Variants in LAMB1 observed in about 807,000 individuals in gnomAD.
LAMB1 encodes laminin subunit beta 1, also known as laminin subunit beta-1.
LAMB1 carries 121 observed loss-of-function variants against 222.3 expected under a neutral mutation model. The ratio of observed to expected loss-of-function variants is 0.54; its 90% confidence interval spans 0.47 to 0.63. The LOEUF is 0.63. LAMB1 is among the 30% of genes least tolerant of loss of function. LAMB1 has a pLI of 0.00. For missense variants in LAMB1, 2,172 were observed against 2,240.8 expected (o/e 0.97, Z 0.62); for synonymous variants, 794 against 807.2 (o/e 0.98, Z 0.28).
intron 16 of LAMB1, 104 bp downstream of exon 16, chr7:107,961,445 C>G: frequency 6.4e-7 from 1 of 1,571,432 alleles, no homozygotes; most frequent in East Asian, 2.3e-5. Flanking sequence ...AGTCAGCAGT[C>G]AACGTCTGGC....
At chr7:107,981,033 C>T (rs368498192) in intron 7 of LAMB1, among the ~76,000 whole-genome samples, 24 of 152,066 alleles carry the variant, frequency 1.6e-4, no homozygotes, top group African/African-American at 4.6e-4. Flanking sequence ...GAATGTCGGC[C>T]GGGCGTGGTA....
chr7:107,927,935 A>T (rs1181556235), intron 31 of LAMB1, among the ~76,000 whole-genome samples: 9 of 152,224 alleles, frequency 5.9e-5, no homozygotes, highest in Non-Finnish European at 1.2e-4. Flanking sequence ...CACATGGAGG[A>T]TTGGCCTGAG....
intron 4 of LAMB1, 78 bp downstream of exon 4, chr7:107,998,279 A>G: frequency 6.9e-7 from 1 of 1,441,664 alleles, no homozygotes; most frequent in Non-Finnish European, 9.6e-7. Context: ...TCATAATTAC[A>G]AACACCCAGG....
At chr7:107,984,459 G>C (rs1258953345) in intron 7 of LAMB1, among the ~76,000 whole-genome samples, 2 of 152,184 alleles carry the variant, frequency 1.3e-5, no homozygotes, top group African/African-American at 2.4e-5. Flanking sequence ...TGTTGGCCAG[G>C]CTAGTCTCGA....
rs1562985113 is a variant in LAMB1 at position 107,951,287 on chromosome 7, TC to T, written c.3329del (p.Gly1110GlufsTer79). On this transcript the variant is annotated frameshift_variant, in exon 24 of 34. Transcript: ENST00000222399. LOFTEE classifies it high-confidence loss of function. Reference sequence around the variant, plus strand: ...CCTGGCACTCGCTGCAGGTGCGGCCTCCAAACCCAGGCATGCACTGGCACTG... The same window carrying T: ...CCTGGCACTCGCTGCAGGTGCGGCCTCAAACCCAGGCATGCACTGGCACTG... ...TGQCQCMPGF[G>X]GRTCSECQEL... is the part of the protein sequence containing the mutation. The T allele has an allele frequency of 1.2e-6, 2 of 1,614,090 alleles. No individual in the cohort carries two copies. The highest frequency in any genetic ancestry group is 3.3e-5 in the Admixed American group (2 of 60,016).
intron 24 of LAMB1, among the ~76,000 whole-genome samples, chr7:107,946,351 G>A (rs955175288): frequency 4.6e-5 from 7 of 152,174 alleles, no homozygotes; most frequent in Non-Finnish European, 2.9e-5. Context: ...ATTTTGGAAT[G>A]AAAGTTGGGA....
At position 107,926,210 on chromosome 7, in the gene LAMB1, C is replaced by T; in HGVS notation, c.5037G>A (p.Val1679=). Residue 1679 remains valine, a synonymous_variant, in exon 32 of 34, where the codon GTG becomes GTA. Coordinates refer to ENST00000222399, the MANE Select transcript of LAMB1 (RefSeq NM_002291.3). ...TCTTAACATCTTCTGCACTTTGCTT[C>T]ACAGTATATACTACTTTTTCAATAT... ...AEYIEKVVYT[V]KQSAEDVKKT... The T allele has an allele frequency of 6.2e-7, 1 of 1,613,812 alleles. No homozygotes were observed. The highest frequency in any genetic ancestry group is 8.5e-7 in the Non-Finnish European group (1 of 1,179,756).
Position 107,935,480 on chromosome 7 carries a change from C to T in LAMB1, c.4123G>A (p.Ala1375Thr), listed in dbSNP as rs1458525371. The T allele has an allele frequency of 3.1e-6, 5 of 1,613,010 alleles. No homozygotes were observed. In the South Asian group the frequency reaches 5.5e-5, roughly 18 times the overall value. Residue 1375 changes from alanine (A) to threonine (T), a missense_variant, in exon 27 of 34, where the codon GCT (alanine) becomes ACT (threonine). Physicochemically the swap from Ala to Thr is moderately conservative, Grantham distance 58. Coordinates refer to ENST00000222399, the MANE Select transcript of LAMB1 (RefSeq NM_002291.3). ...SQFKEKQEEQ[A>T]RLLDELAGKL... ...CCTGCCAGTTCATCAAGGAGGCGAG[C>T]CTGCTCCTCTTGTTTTTCCTTGAAC... is the stretch of plus-strand genomic sequence containing the variant.
intron 2 of LAMB1, 188 bp from the exon 3 acceptor site, chr7:108,001,921 G>C (rs968706804): frequency 1.5e-5 from 22 of 1,459,614 alleles, no homozygotes; most frequent in Admixed American, 2.6e-5. Flanking sequence ...GACTCCGAAA[G>C]GAGAAGGACA....
At chr7:107,970,387 C>T (rs2033722194) in intron 13 of LAMB1, among the ~76,000 whole-genome samples, 1 of 148,372 alleles carries the variant, frequency 6.7e-6, no homozygotes, top group Admixed American at 6.9e-5. Context: ...ACTCGGGAGG[C>T]TGAGGTGGGA....
intron 8 of LAMB1, among the ~76,000 whole-genome samples, chr7:107,978,660 C>T (rs1044270001): frequency 2.0e-5 from 3 of 151,732 alleles, no homozygotes; most frequent in Non-Finnish European, 4.4e-5. Flanking sequence ...TTTTTTACTT[C>T]AGGCATAGCA....
Position 107,980,683 on chromosome 7 carries a change from C to G in LAMB1, c.805G>C (p.Gly269Arg), listed in dbSNP as rs779122017. The G allele has an allele frequency of 6.2e-7, 1 of 1,614,102 alleles. No individual in the cohort carries two copies. Among genetic ancestry groups the G allele is most frequent in the South Asian group, 1.1e-5 (1 of 91,072 alleles). Reference sequence around the variant, plus strand: ...GCATGACCATAGCAGAAGCAATTTCCTCGAACCACCATATCATAAACTGCA... The same window carrying G: ...GCATGACCATAGCAGAAGCAATTTCGTCGAACCACCATATCATAAACTGCA... ...YYAVYDMVVRGNCFCYGHASE... is the reference protein window; with the variant it reads ...YYAVYDMVVRRNCFCYGHASE... The change falls in exon 8 of 34, where the codon GGA becomes CGA. Residue 269 changes from glycine (G) to arginine (R), a missense_variant. Gly to Arg is a moderately radical substitution (Grantham distance 125, BLOSUM62 -2). Transcript: ENST00000222399.
At chr7:107,985,350 G>A (rs979915203) in intron 7 of LAMB1, among the ~76,000 whole-genome samples, 67 of 152,186 alleles carry the variant, frequency 4.4e-4, no homozygotes, top group Admixed American at 1.3e-4. Context: ...TGGGCCAGGC[G>A]CGCTGGTTCA....
At chr7:107,949,219 C>T (rs1355390663) in intron 24 of LAMB1, among the ~76,000 whole-genome samples, 1 of 152,088 alleles carries the variant, frequency 6.6e-6, no homozygotes, top group Non-Finnish European at 1.5e-5. Flanking sequence ...GATTTAGAGG[C>T]GAAAGTTTAA....
At position 107,978,123 on chromosome 7, in the gene LAMB1, G is replaced by A; in HGVS notation, c.924C>T (p.Asn308=). 6.2e-7 allele frequency: 1 copy of A among 1,614,096 alleles called. No homozygotes were observed. Among genetic ancestry groups the A allele is most frequent in the Non-Finnish European group, 8.5e-7 (1 of 1,179,944 alleles). ...GGTAGAAATCCATGCAGAGTTCACAGTTTAAGCCCTTGGTGTTATGCCTGC... is the reference window on the plus strand; with the variant it reads ...GGTAGAAATCCATGCAGAGTTCACAATTTAAGCCCTTGGTGTTATGCCTGC... ...CMCRHNTKGL[N]CELCMDFYHD... The change falls in exon 9 of 34, where the codon AAC becomes AAT. Residue 308 remains asparagine, a synonymous_variant. Coordinates refer to ENST00000222399, the MANE Select transcript of LAMB1 (RefSeq NM_002291.3).
intron 13 of LAMB1, among the ~76,000 whole-genome samples, chr7:107,966,244 AC>A (rs1279939062): frequency 6.6e-6 from 1 of 152,012 alleles, no homozygotes; most frequent in East Asian, 1.9e-4. Flanking sequence ...GGAGTCTCGC[AC>A]TGTCGCCCAC....
At chr7:108,002,037 C>T in intron 2 of LAMB1, 2 of 1,443,190 alleles carry the variant, frequency 1.4e-6, no homozygotes, top group Non-Finnish European at 1.8e-6. Flanking sequence ...CGGGGAGCAG[C>T]TCCCCCAACA....
intron 24 of LAMB1, chr7:107,940,619 A>C: frequency 4.4e-6 from 2 of 458,264 alleles, no homozygotes; most frequent in Non-Finnish European, 8.0e-6. Context: ...TCTCACAATA[A>C]CCCTATGGGA....
chr7:107,947,736 T>C (rs1353239282), intron 24 of LAMB1, among the ~76,000 whole-genome samples: 3 of 152,190 alleles, frequency 2.0e-5, no homozygotes, highest in Admixed American at 6.5e-5. Context: ...GCTAAAAGCA[T>C]TGAGGATCCG....
Sources: gnomAD v4.1 joint callset for allele counts (sites outside exome capture counted in the v4.1 genomes callset) on GRCh38, gnomAD v4.1.1 for gene constraint, MANE v1.5 for transcripts, NCBI Gene and HGNC (gene_info 2026-07-23, HGNC 2026-07-21) for gene names.